Variants in SKIC8 observed in about 807,000 individuals in gnomAD.
SKIC8 encodes superkiller complex protein 8.
the SKIC8 span, chr15:78,284,108 T>C: frequency 6.6e-6 from 1 of 152,214 alleles, no homozygotes; most frequent in African/African-American, 2.4e-5. Context: ...AGAATTGATG[T>C]GGTTGGAGTT....
chr15:78,296,389 G>C, the SKIC8 span, among the ~76,000 whole-genome samples: 2 of 151,766 alleles, frequency 1.3e-5, no homozygotes, highest in African/African-American at 4.8e-5. Context: ...CTGGGTGACA[G>C]AGCGAGACTC....
At chr15:78,286,270 C>A in the SKIC8 span, 2 of 662,712 alleles carry the variant, frequency 3.0e-6, no homozygotes, top group East Asian at 5.6e-5. Context: ...AATACTATAT[C>A]AAAAATTCCT....
At chr15:78,294,803 G>A in the SKIC8 span, 2 of 740,544 alleles carry the variant, frequency 2.7e-6, no homozygotes, top group Non-Finnish European at 2.2e-6. Context: ...TGTTTTTTAA[G>A]AGTATTTGTT....
the SKIC8 span, chr15:78,292,875 A>G: frequency 1.4e-6 from 2 of 1,431,030 alleles, no homozygotes; most frequent in Non-Finnish European, 1.9e-6. Context: ...TGACTATGCA[A>G]TACCAATGGT....
the SKIC8 span, chr15:78,289,733 G>T: frequency 2.5e-6 from 4 of 1,604,930 alleles, no homozygotes; most frequent in Non-Finnish European, 3.4e-6. Flanking sequence ...AACATATGGA[G>T]AAATTAGCAC....
chr15:78,283,456 A>T, the SKIC8 span: 22 of 1,613,740 alleles, frequency 1.4e-5, no homozygotes, highest in Non-Finnish European at 1.8e-5. Context: ...CATAGATGTG[A>T]ATTTCCTGGT....
the SKIC8 span, chr15:78,289,776 C>T: frequency 6.5e-7 from 1 of 1,539,226 alleles, no homozygotes; most frequent in Non-Finnish European, 9.0e-7. Flanking sequence ...CTGTCCCTAC[C>T]AAACACAAGC....
At chr15:78,292,966 A>AT in the SKIC8 span, 76,205 of 778,494 alleles carry the variant, frequency 0.098, 777 homozygotes, top group East Asian at 0.14. Flanking sequence ...GGACTTTAAG[A>AT]TTTTTTTTTT....
the SKIC8 span, among the ~76,000 whole-genome samples, chr15:78,298,618 G>A: frequency 1.3e-5 from 2 of 152,288 alleles, no homozygotes; most frequent in Non-Finnish European, 2.9e-5. Flanking sequence ...TCACAGGTAT[G>A]TATGTGTAAT....
At chr15:78,287,742 C>T in the SKIC8 span, among the ~76,000 whole-genome samples, 1 of 152,144 alleles carries the variant, frequency 6.6e-6, no homozygotes, top group Non-Finnish European at 1.5e-5. Flanking sequence ...ACATAGGGGT[C>T]CGCACAGATT....
At chr15:78,294,790 G>T in the SKIC8 span, 5 of 547,546 alleles carry the variant, frequency 9.1e-6, no homozygotes, top group Non-Finnish European at 9.2e-6. Context: ...TGTTGTTGTT[G>T]TCTGTTTTTT....
chr15:78,294,903 GT>G, the SKIC8 span: 22 of 1,613,322 alleles, frequency 1.4e-5, no homozygotes, highest in East Asian at 4.7e-4. Context: ...GGACAACACA[GT>G]TTTTTTCACA....
At chr15:78,285,176 A>T in the SKIC8 span, 1 of 1,354,854 alleles carries the variant, frequency 7.4e-7, no homozygotes, top group Non-Finnish European at 1.1e-6. Context: ...CCACAGCTCA[A>T]GCAACAAGGT....
At chr15:78,285,703 C>G in the SKIC8 span, 1 of 437,318 alleles carries the variant, frequency 2.3e-6, no homozygotes, top group South Asian at 3.9e-5. Context: ...TTGGCCATCC[C>G]AGGCCTGACC....
chr15:78,295,568 A>G, the SKIC8 span: 1,494,813 of 1,510,364 alleles, frequency 0.99, 739,985 homozygotes, highest in East Asian at 1. Context: ...TTTAGGAGCC[A>G]GGCAAGAATG....
At chr15:78,287,171 T>C in the SKIC8 span, among the ~76,000 whole-genome samples, 9 of 152,150 alleles carry the variant, frequency 5.9e-5, no homozygotes, top group Non-Finnish European at 1.3e-4. Context: ...TGCTACCTCA[T>C]TGGTTGCTGG....
At chr15:78,289,921 GA>G in the SKIC8 span, 3 of 1,606,834 alleles carry the variant, frequency 1.9e-6, no homozygotes, top group Non-Finnish European at 2.6e-6. Flanking sequence ...GAAAGAATCA[GA>G]AGGAGAACAG....
the SKIC8 span, chr15:78,294,597 C>A: frequency 3.7e-6 from 1 of 273,112 alleles, no homozygotes; most frequent in Non-Finnish European, 7.0e-6. Context: ...ACGTTCACCT[C>A]CCCAGATGAG....
chr15:78,297,394 C>T, the SKIC8 span, among the ~76,000 whole-genome samples: 1 of 152,166 alleles, frequency 6.6e-6, no homozygotes, highest in African/African-American at 2.4e-5. Context: ...TTGAGGGCTA[C>T]AGACAAATTT....
Sources: gnomAD v4.1 joint callset for allele counts (sites outside exome capture counted in the v4.1 genomes callset) on GRCh38, gnomAD v4.1.1 for gene constraint, MANE v1.5 for transcripts, NCBI Gene and HGNC (gene_info 2026-07-23, HGNC 2026-07-21) for gene names.